DNAH11: variants seen among roughly 807,000 people sequenced by gnomAD.
The protein encoded by DNAH11 is dynein axonemal heavy chain 11.
In DNAH11, 442 loss-of-function variants were observed where a neutral mutation model predicts 526.0. The ratio of observed to expected loss-of-function variants is 0.84; its 90% CI spans 0.78 to 0.91. The LOEUF (loss-of-function observed/expected upper bound fraction) is 0.91, where lower values mean the gene tolerates loss of function less well. Ranked by LOEUF, DNAH11 falls within the 40% of genes least tolerant of loss-of-function variation. The pLI, the probability that DNAH11 is intolerant of heterozygous loss-of-function variation, is 0.00. For missense variants in DNAH11, 6,989 were observed against 5,448.7 expected, an observed-to-expected ratio of 1.28 and a Z score of -8.90; for synonymous variants, 2,461 against 1,935.9, an observed-to-expected ratio of 1.27 and a Z score of -7.12.
In DNAH11 at chr7:21,591,257, C is replaced by G. The variant is rs756615698; in HGVS notation, c.2347C>G (p.Pro783Ala). Residue 783 changes from proline to alanine, a missense_variant, in exon 14 of 82, where the codon CCT becomes GCT. Pro to Ala is a conservative substitution (Grantham distance 27). Coordinates refer to ENST00000409508, the MANE Select transcript of DNAH11 (RefSeq NM_001277115.2). ...ACAGACGCTCCTGGAAGTTGAATAC[C>G]CTCTGATTGAAGATGAGCTGAGGGC... Reference protein sequence around the residue: ...LKQTLLEVEYPLIEDELRAID... With the variant: ...LKQTLLEVEYALIEDELRAID... 5 of 1,603,450 alleles carry G rather than the reference C, an allele frequency of 3.1e-6. No individual in the cohort carries two copies. Among genetic ancestry groups the G allele is most frequent in the East Asian group, 2.2e-5 (1 of 44,648 alleles).
Position 21,683,959 on chromosome 7 carries a change from T to G in DNAH11, c.5621+15T>G. ...CTAACTGACAGGTAACAATTCAAAG[T>G]TTCCGTCCAGATAGGAAAAACAACC... On this transcript the variant is annotated intron_variant, in intron 32 of 81. Transcript: ENST00000409508. 1 of 1,611,710 alleles carries G rather than the reference T, an allele frequency of 6.2e-7. No individual in the cohort carries two copies. Among genetic ancestry groups the G allele is most frequent in the South Asian group, 1.1e-5 (1 of 90,490 alleles).
At chr7:21,718,015 A>G (rs1197926786) in intron 43 of DNAH11, 90 bp downstream of exon 43, 35 of 1,489,548 alleles carry the variant, frequency 2.3e-5, no homozygotes, top group Non-Finnish European at 3.1e-5. Flanking sequence ...CTTGCCCAAG[A>G]AAGTGAGAAG....
Position 21,543,346 on chromosome 7 carries a change from A to G in DNAH11, c.101A>G (p.Glu34Gly). 4.5e-6 allele frequency: 7 copies of G among 1,550,766 alleles called. No individual in the cohort carries two copies. Among genetic ancestry groups the G allele is most frequent in the Non-Finnish European group, 5.2e-6 (6 of 1,146,726 alleles). The change falls in exon 1 of 82, where the codon GAG becomes GGG. Residue 34 changes from glutamate (E) to glycine (G), a missense_variant. By Grantham distance (98) the Glu-to-Gly change is moderately conservative. Transcript: ENST00000409508. ...GAGLEAVGAVELEEEEENEEE... is the reference protein window; with the variant it reads ...GAGLEAVGAVGLEEEEENEEE... Reference sequence around the variant, plus strand: ...GGCCTGGAGGCAGTGGGCGCTGTGGAGCTCGAGGAGGAGGAGGAGAACGAG... The same window carrying G: ...GGCCTGGAGGCAGTGGGCGCTGTGGGGCTCGAGGAGGAGGAGGAGAACGAG...
rs775239382 is a variant in DNAH11 at position 21,591,427 on chromosome 7, G to C, written c.2517G>C (p.Gln839His). The C allele has an allele frequency of 1.2e-6, 2 of 1,613,956 alleles. No homozygotes were observed. The highest frequency in any genetic ancestry group is 1.7e-6 in the Non-Finnish European group (2 of 1,179,878). The change falls in exon 14 of 82, where the codon CAG becomes CAC. Residue 839 changes from glutamine to histidine, a missense_variant. Coordinates refer to ENST00000409508, the MANE Select transcript of DNAH11 (RefSeq NM_001277115.2). ...AGAAAAACGTGAAGGTGATCCAGCAGACCATGAGGGGCTGGGCCAGGTGCG... is the reference window on the plus strand; with the variant it reads ...AGAAAAACGTGAAGGTGATCCAGCACACCATGAGGGGCTGGGCCAGGTGCG... ...RTQKNVKVIQ[Q>H]TMRGWARCVL...
At chr7:21,899,904 C>G (rs1784689520) in intron 80 of DNAH11, 76 bp from the exon 81 acceptor site, 3 of 1,546,094 alleles carry the variant, frequency 1.9e-6, no homozygotes, top group African/African-American at 2.7e-5. Flanking sequence ...TAAAGGATGC[C>G]TCAATTTACT....
At chr7:21,829,020 A>G (rs1298306148) in intron 65 of DNAH11, among the ~76,000 whole-genome samples, 2 of 152,242 alleles carry the variant, frequency 1.3e-5, no homozygotes, top group South Asian at 2.1e-4. Context: ...ACCAACTTGC[A>G]CAGCCCTTCC....
Position 21,725,985 on chromosome 7 carries a change from G to A in DNAH11, c.7440+1G>A, listed in dbSNP as rs915730348. The A allele has an allele frequency of 2.6e-6, 4 of 1,548,084 alleles. No individual in the cohort carries two copies. In the Admixed American group the frequency reaches 8.0e-5, roughly 31 times the overall value. On this transcript the variant is annotated splice_donor_variant, in intron 45 of 81. Transcript: ENST00000409508. LOFTEE classifies it high-confidence loss of function. ...TATGGATCCAGATGTGCCTCTGCAG[G>A]TAGGTGTGTGGAACATAGCAATTGT...
At position 21,739,622 on chromosome 7, in the gene DNAH11, C is replaced by G. The variant is rs755501742; in HGVS notation, c.7863C>G (p.Val2621=). ...AAGAAATCCATAACTGCCAGTATGT[C>G]GCCTGCATGAATCCGATGGTGGGCA... The part of the protein sequence containing the change: ...MLKEIHNCQY[V]ACMNPMVGSF... Residue 2621 remains valine, a synonymous_variant, in exon 48 of 82, where the codon GTC becomes GTG. Coordinates refer to ENST00000409508, the MANE Select transcript of DNAH11 (RefSeq NM_001277115.2). 10 of 1,612,764 alleles carry G rather than the reference C, an allele frequency of 6.2e-6. No homozygotes were observed. Among genetic ancestry groups the G allele is most frequent in the Non-Finnish European group, 8.5e-6 (10 of 1,179,434 alleles).
At chr7:21,547,629 C>T (rs1782853757) in intron 2 of DNAH11, among the ~76,000 whole-genome samples, 2 of 152,162 alleles carry the variant, frequency 1.3e-5, no homozygotes. Context: ...AAACTTTCTT[C>T]CCTTTTATGG....
chr7:21,621,049 G>T (rs1786029229), intron 25 of DNAH11, among the ~76,000 whole-genome samples: 1 of 152,034 alleles, frequency 6.6e-6, no homozygotes, highest in Non-Finnish European at 1.5e-5. Flanking sequence ...CTTTATAGCA[G>T]CATGATTTAT....
At chr7:21,762,159 A>G (rs762601992) in intron 54 of DNAH11, among the ~76,000 whole-genome samples, 1 of 152,132 alleles carries the variant, frequency 6.6e-6, no homozygotes, top group Non-Finnish European at 1.5e-5. Flanking sequence ...TCGACACATG[A>G]GGATTATGGG....
rs766056393 is a variant in DNAH11 at position 21,615,099 on chromosome 7, AT to A, written c.3853-14del. On this transcript the variant is annotated splice_polypyrimidine_tract_variant and intron_variant, in intron 20 of 81. Transcript: ENST00000409508. ...TCTGGCAGTTTGTATGCAGGTGTTTATGTTCTCTCCTTAGGCAAATGAAGAG... is the reference window on the plus strand; with the variant it reads ...TCTGGCAGTTTGTATGCAGGTGTTTAGTTCTCTCCTTAGGCAAATGAAGAG... 19 of 1,595,250 alleles carry A rather than the reference AT, an allele frequency of 1.2e-5. No individual in the cohort carries two copies. In the South Asian group the frequency reaches 2.2e-4, roughly 19 times the overall value.
intron 40 of DNAH11, among the ~76,000 whole-genome samples, chr7:21,708,077 T>C (rs1470996403): frequency 6.6e-6 from 1 of 152,212 alleles, no homozygotes; most frequent in Non-Finnish European, 1.5e-5. Flanking sequence ...GTCAATTATG[T>C]CAGGGCTCCC....
rs372524632 is a variant in DNAH11 at position 21,842,538 on chromosome 7, G to C, written c.10692-6G>C. On this transcript the variant is annotated splice_polypyrimidine_tract_variant and splice_region_variant and intron_variant, in intron 65 of 81. Transcript: ENST00000409508. ...CTCCTGAAAGTCTGTGTTTTGCTCCGTTTAGGTATATCAGGATTGGAGATA... is the reference window on the plus strand; with the variant it reads ...CTCCTGAAAGTCTGTGTTTTGCTCCCTTTAGGTATATCAGGATTGGAGATA... The C allele has an allele frequency of 1.2e-6, 2 of 1,612,822 alleles. No individual in the cohort carries two copies. Among genetic ancestry groups the C allele is most frequent in the Admixed American group, 1.7e-5 (1 of 59,976 alleles).
At chr7:21,642,535 G>A (rs980489282) in intron 28 of DNAH11, among the ~76,000 whole-genome samples, 102 of 152,056 alleles carry the variant, frequency 6.7e-4, no homozygotes, top group African/African-American at 2.3e-3. Flanking sequence ...TAGTCTTTCC[G>A]TCCATGCCTT....
chr7:21,795,662 A>C (rs937008923), intron 61 of DNAH11, among the ~76,000 whole-genome samples: 1 of 152,226 alleles, frequency 6.6e-6, no homozygotes, highest in African/African-American at 2.4e-5. Flanking sequence ...TTAGCAATCA[A>C]CGAACGTTTT....
chr7:21,863,063 CAAA>C (rs373065417), intron 69 of DNAH11, among the ~76,000 whole-genome samples: 3 of 42,362 alleles, frequency 7.1e-5, no homozygotes, highest in East Asian at 5.1e-4. Context: ...GACTCCGTCT[CAAA>C]AAAAAAAAAA....
rs76955816 is a variant in DNAH11, at chr7:21,548,619, A to G, written c.495+3470A>G. Among the ~76,000 whole-genome samples the G allele has an allele frequency of 8.3e-3, 1,257 of 152,290 alleles. 12 individuals are homozygous for G. Among genetic ancestry groups the G allele is most frequent in the African/African-American group, 0.028 (1,145 of 41,542 alleles). ...GGACTAAAGCACAAGTCCTGATCCA[A>G]CTGGAAGGTAACAGGTTACAGAGGT... On this transcript the variant is annotated intron_variant, in intron 2 of 81. Coordinates refer to ENST00000409508, the MANE Select transcript of DNAH11 (RefSeq NM_001277115.2).
chr7:21,567,327 C>T (rs7778906), intron 6 of DNAH11, among the ~76,000 whole-genome samples: 61 of 151,996 alleles, frequency 4.0e-4, no homozygotes, highest in Non-Finnish European at 7.2e-4. Flanking sequence ...ATGTTCTTTG[C>T]GTTCATGAAT....
Sources: allele counts gnomAD v4.1 joint callset (sites outside exome capture counted in the v4.1 genomes callset), GRCh38; gene constraint gnomAD v4.1.1; transcripts MANE v1.5; gene names NCBI Gene and HGNC (gene_info 2026-07-23, HGNC 2026-07-21).